Variants in RYK observed in about 807,000 individuals in gnomAD.
RYK encodes the protein receptor like tyrosine kinase, also known as inactive tyrosine-protein kinase RYK.
Under a neutral mutation model 70.2 loss-of-function variants are expected in RYK, and 21 were observed. The ratio of observed to expected loss-of-function variants is 0.30; its 90% confidence interval spans 0.21 to 0.43. The LOEUF (loss-of-function observed/expected upper bound fraction) is 0.43, where lower values mean the gene tolerates loss of function less well. Among genes scored for constraint, RYK ranks in the 20% least tolerant of loss-of-function variants. The pLI is 1.00. For missense variants in RYK, 604 were observed against 753.3 expected (o/e 0.80, Z 2.32); for synonymous variants, 267 against 278.0 (o/e 0.96, Z 0.39).
intron 6 of RYK, among the ~76,000 whole-genome samples, chr3:134,200,759 A>G (rs542596797): frequency 6.6e-6 from 1 of 152,346 alleles, no homozygotes; most frequent in South Asian, 2.1e-4. Flanking sequence ...AGTAAACAGA[A>G]TAGCCAGGCT....
At chr3:134,231,306 C>A (rs4312630) in intron 1 of RYK, among the ~76,000 whole-genome samples, 1 of 151,988 alleles carries the variant, frequency 6.6e-6, no homozygotes, top group African/African-American at 2.4e-5. Flanking sequence ...GTCAAGGAGA[C>A]GGGTGGATAT....
At chr3:134,232,589 C>T (rs1185325808) in intron 1 of RYK, among the ~76,000 whole-genome samples, 1 of 152,160 alleles carries the variant, frequency 6.6e-6, no homozygotes, top group African/African-American at 2.4e-5. Flanking sequence ...AATCATTAAA[C>T]ACAGTTGCTG....
chr3:134,237,066 C>A (rs1248058416), intron 1 of RYK, among the ~76,000 whole-genome samples: 2 of 152,084 alleles, frequency 1.3e-5, no homozygotes, highest in Non-Finnish European at 2.9e-5. Flanking sequence ...AGCTAAAAAA[C>A]CAAAGTTATT....
Position 134,233,635 on chromosome 3 carries a change from T to C in RYK, c.233-11096A>G, listed in dbSNP as rs1011269698. 2.0e-5 allele frequency among the ~76,000 whole-genome samples: 3 copies of C among 152,310 alleles called. 1 individual carries two copies. Among genetic ancestry groups the C allele is most frequent in the African/African-American group, 4.8e-5 (2 of 41,588 alleles). On this transcript the variant is annotated intron_variant, in intron 1 of 14. Coordinates refer to ENST00000623711, the MANE Select transcript of RYK (RefSeq NM_002958.4). ...GAACAACAGTTTTCAACAGTTTATC[T>C]TTCTTTGGAGGAGAGAGGTGATACC...
chr3:134,162,819 C>A (rs2012522547), intron 13 of RYK, among the ~76,000 whole-genome samples: 1 of 152,114 alleles, frequency 6.6e-6, no homozygotes, highest in African/African-American at 2.4e-5. Context: ...AGAAATGAAA[C>A]TGGTCGGAAG....
chr3:134,187,220 A>T (rs565695097), intron 9 of RYK, among the ~76,000 whole-genome samples: 12 of 152,208 alleles, frequency 7.9e-5, no homozygotes, highest in Non-Finnish European at 1.5e-4. Context: ...ATTAAAAGCA[A>T]TTCCAAAGAT....
In RYK at chr3:134,189,781, A is replaced by G. The variant is rs149768096; in HGVS notation, c.1016-858T>C. ...AAAAACAAAAAACAAAAACTCTTAT[A>G]GTAATAAGAGAAGTTAGTTATGACC... is the stretch of plus-strand genomic sequence containing the variant. On this transcript the variant is annotated intron_variant, in intron 8 of 14. Transcript: ENST00000623711. Among the ~76,000 whole-genome samples, 1,108 of 150,866 alleles carry G rather than the reference A, an allele frequency of 7.3e-3. 42 individuals are homozygous for G. Among genetic ancestry groups the G allele is most frequent in the Admixed American group, 0.049 (743 of 15,050 alleles).
rs1221822731 is a variant in RYK, at chr3:134,201,227, TA to T, written c.788+1502del. On this transcript the variant is annotated intron_variant, in intron 6 of 14. Transcript: ENST00000623711. ...ACAAAACATATTCTGAAACAAATCA[TA>T]TACGTACTTCCTTCTCATTCGTATC... 1.4e-4 allele frequency among the ~76,000 whole-genome samples: 22 copies of T among 152,360 alleles called. No individual in the cohort carries two copies. The East Asian group carries it at 4.2e-3, about 29-fold the overall frequency.
intron 13 of RYK, among the ~76,000 whole-genome samples, chr3:134,172,001 C>G (rs1311823101): frequency 6.6e-6 from 1 of 152,148 alleles, no homozygotes; most frequent in African/African-American, 2.4e-5. Context: ...GATTTCCAAC[C>G]TCTTCAAATT....
intron 13 of RYK, 44 bp downstream of exon 13, chr3:134,175,565 G>A: frequency 6.4e-7 from 1 of 1,565,154 alleles, no homozygotes; most frequent in Non-Finnish European, 8.7e-7. Flanking sequence ...AAAACAGAAA[G>A]CTGTTTCTCT....
chr3:134,166,976 C>T (rs2012696127), intron 13 of RYK, among the ~76,000 whole-genome samples: 1 of 151,996 alleles, frequency 6.6e-6, no homozygotes, highest in Non-Finnish European at 1.5e-5. Context: ...TGAAATAATC[C>T]TTGCACCTCT....
intron 1 of RYK, among the ~76,000 whole-genome samples, 161 bp from the exon 2 acceptor site, chr3:134,222,700 G>C (rs1399404421): frequency 6.6e-6 from 1 of 152,012 alleles, no homozygotes; most frequent in Non-Finnish European, 1.5e-5. Context: ...AAAAGACACG[G>C]GGTTTTATCA....
intron 2 of RYK, among the ~76,000 whole-genome samples, chr3:134,221,194 T>TCC: frequency 7.4e-6 from 1 of 136,052 alleles, no homozygotes; most frequent in Non-Finnish European, 1.6e-5. Flanking sequence ...ACAGTTCTTT[T>TCC]TCTTTTTTTT....
At chr3:134,174,775 A>C (rs1325765447) in intron 13 of RYK, among the ~76,000 whole-genome samples, 2 of 152,154 alleles carry the variant, frequency 1.3e-5, no homozygotes, top group East Asian at 3.9e-4. Flanking sequence ...TGTACATCAC[A>C]AAGGGCCCAA....
intron 11 of RYK, among the ~76,000 whole-genome samples, chr3:134,176,541 C>A (rs2013104581): frequency 6.6e-6 from 1 of 152,010 alleles, no homozygotes; most frequent in African/African-American, 2.4e-5. Context: ...GAGTTCGAGA[C>A]CAACCTGGAC....
intron 13 of RYK, among the ~76,000 whole-genome samples, chr3:134,169,686 T>C (rs904160742): frequency 6.6e-6 from 1 of 152,224 alleles, no homozygotes; most frequent in Admixed American, 6.5e-5. Flanking sequence ...AAAACATCAA[T>C]GTATTTCTAA....
chr3:134,228,989 T>A (rs1055219393), intron 1 of RYK, among the ~76,000 whole-genome samples: 1 of 151,902 alleles, frequency 6.6e-6, no homozygotes, highest in Non-Finnish European at 1.5e-5. Context: ...AATAATAATG[T>A]GTAAATAAAA....
intron 9 of RYK, among the ~76,000 whole-genome samples, chr3:134,186,073 C>T (rs796553896): frequency 5.3e-5 from 8 of 152,154 alleles, no homozygotes; most frequent in African/African-American, 1.4e-4. Context: ...CAAGGATGCA[C>T]AAAATGATTT....
intron 3 of RYK, 123 bp from the exon 4 acceptor site, chr3:134,209,952 C>T (rs984145420): frequency 1.0e-5 from 8 of 764,182 alleles, no homozygotes; most frequent in Non-Finnish European, 1.6e-5. Context: ...AAAAGTAATA[C>T]ATTTAAATAA....
Sources: allele counts gnomAD v4.1 joint callset (sites outside exome capture counted in the v4.1 genomes callset), GRCh38; gene constraint gnomAD v4.1.1; transcripts MANE v1.5; gene names NCBI Gene and HGNC (gene_info 2026-07-23, HGNC 2026-07-21).